The following DHX36 variants were observed in gnomAD, a reference collection of about 807,000 sequenced individuals.
The protein encoded by DHX36 is DEAH-box helicase 36.
DHX36 carries 50 observed loss-of-function variants against 139.0 expected under a neutral mutation model. The observed-to-expected ratio is 0.36, with a 90% CI of 0.29 to 0.46. The LOEUF is 0.46. DHX36 is among the 20% of genes least tolerant of loss of function. The probability of loss-of-function intolerance (pLI) is 1.00; values close to 1 mark genes in which losing one functional copy is unlikely to be tolerated. For missense variants in DHX36, 1,024 were observed against 1,211.3 expected (o/e 0.85, Z 2.29); for synonymous variants, 425 against 401.9 (o/e 1.06, Z -0.69).
chr3:154,303,836 C>A (rs1247865058), intron 8 of DHX36, among the ~76,000 whole-genome samples: 1 of 152,148 alleles, frequency 6.6e-6, no homozygotes, highest in African/African-American at 2.4e-5. Flanking sequence ...GTAATCAAAA[C>A]AAAACCTAAA....
At chr3:154,300,850 A>G (rs1268043307) in intron 10 of DHX36, 137 bp downstream of exon 10, 1 of 1,350,268 alleles carries the variant, frequency 7.4e-7, no homozygotes, top group African/African-American at 1.5e-5. Flanking sequence ...AAGTCAAATC[A>G]GCACAATATT....
chr3:154,303,424 C>A lies in DHX36; in HGVS notation c.1136-14G>T. The A allele has an allele frequency of 6.4e-7, 1 of 1,564,060 alleles. No homozygotes were observed. Among genetic ancestry groups the A allele is most frequent in the Non-Finnish European group, 8.7e-7 (1 of 1,150,166 alleles). On this transcript the variant is annotated splice_polypyrimidine_tract_variant and intron_variant, in intron 8 of 24. Transcript: ENST00000496811. ...TTGGACAGTTACCTATTACGGCAGA[C>A]AAAATATAAGCATAAATTTGTACTC...
intron 1 of DHX36, among the ~76,000 whole-genome samples, chr3:154,317,361 GTTTT>G (rs1713026630): frequency 6.6e-6 from 1 of 152,004 alleles, no homozygotes; most frequent in Non-Finnish European, 1.5e-5. Flanking sequence ...GAGAGGTTTT[GTTTT>G]TAGAGTTATG....
At chr3:154,290,131 T>C (rs1035162454) in intron 15 of DHX36, among the ~76,000 whole-genome samples, 1 of 152,208 alleles carries the variant, frequency 6.6e-6, no homozygotes, top group Non-Finnish European at 1.5e-5. Context: ...AACAGCAGTC[T>C]ACCTAGGTTA....
chr3:154,304,357 G>A (rs1157975796), intron 8 of DHX36, among the ~76,000 whole-genome samples: 1 of 152,044 alleles, frequency 6.6e-6, no homozygotes, highest in Non-Finnish European at 1.5e-5. Flanking sequence ...GTAAAAATGT[G>A]AATGATAATA....
In DHX36 at chr3:154,277,722, T is replaced by C. The variant is rs756211508; in HGVS notation, c.2568-4A>G. 33 of 1,588,374 alleles carry C rather than the reference T, an allele frequency of 2.1e-5. No homozygotes were observed. Among genetic ancestry groups the C allele is most frequent in the Non-Finnish European group, 2.8e-5 (33 of 1,166,396 alleles). On this transcript the variant is annotated splice_region_variant and splice_polypyrimidine_tract_variant and intron_variant, in intron 22 of 24. Coordinates refer to ENST00000496811, the MANE Select transcript of DHX36 (RefSeq NM_020865.3). ...GGTTTTTGTGTAAACTTTTACCCTT[T>C]AAAAAAAGTTAAAATGCAGTTTGTT...
rs1343257638 is a variant in DHX36, at chr3:154,272,636, T to C, written c.*3535A>G. On this transcript the variant is annotated 3_prime_UTR_variant, in exon 25 of 25. Transcript: ENST00000496811. ...GTTTATATATATCAAAATGGAACAATGGTAACATGATTTACTTTGCTACAT... is the reference window on the plus strand; with the variant it reads ...GTTTATATATATCAAAATGGAACAACGGTAACATGATTTACTTTGCTACAT... 2.0e-5 allele frequency: 3 copies of C among 151,628 alleles called. No homozygotes were observed. Among genetic ancestry groups the C allele is most frequent in the Admixed American group, 6.6e-5 (1 of 15,196 alleles). 9.4% of individuals were successfully genotyped at this position (151,628 alleles called of 1,614,324 possible). A position where few individuals can be genotyped will look rare whatever the true frequency, so the allele number is the denominator to read the frequency against.
At chr3:154,313,751 G>A (rs545529810) in intron 3 of DHX36, among the ~76,000 whole-genome samples, 9 of 152,144 alleles carry the variant, frequency 5.9e-5, no homozygotes, top group Admixed American at 3.3e-4. Flanking sequence ...GAAAATTAAT[G>A]TTTATTAAAG....
intron 2 of DHX36, 136 bp from the exon 3 acceptor site, chr3:154,315,416 G>A (rs1454997144): frequency 3.6e-6 from 2 of 549,056 alleles, no homozygotes; most frequent in East Asian, 6.2e-5. Context: ...TCTTAGTACA[G>A]TAATTATGAA....
chr3:154,308,798 T>C (rs1362630135), intron 5 of DHX36, among the ~76,000 whole-genome samples: 2 of 152,156 alleles, frequency 1.3e-5, no homozygotes, highest in Admixed American at 6.5e-5. Flanking sequence ...AACTGTTACT[T>C]AAGTATGCCT....
At chr3:154,319,693 G>A (rs1325485213) in intron 1 of DHX36, among the ~76,000 whole-genome samples, 3 of 151,964 alleles carry the variant, frequency 2.0e-5, no homozygotes, top group African/African-American at 7.3e-5. Context: ...CGATATTCTG[G>A]TTTGCTTCTT....
intron 12 of DHX36, among the ~76,000 whole-genome samples, chr3:154,296,257 G>A (rs564398646): frequency 2.0e-4 from 30 of 152,112 alleles, no homozygotes; most frequent in Admixed American, 1.1e-3. Context: ...GGCGGATCAC[G>A]AGGTCAGGAG....
chr3:154,305,176 T>C lies in DHX36; in HGVS notation c.894-8A>G, dbSNP rs764668095. Reference sequence around the variant, plus strand: ...TGTTTCCTTGGCAACCGACTGTGAATGAAAGACATGAATTAATAAGCCTTG... The same window carrying C: ...TGTTTCCTTGGCAACCGACTGTGAACGAAAGACATGAATTAATAAGCCTTG... On this transcript the variant is annotated splice_polypyrimidine_tract_variant and splice_region_variant and intron_variant, in intron 6 of 24. Transcript: ENST00000496811. 35 of 1,608,242 alleles carry C rather than the reference T, an allele frequency of 2.2e-5. No homozygotes were observed. The highest frequency in any genetic ancestry group is 2.2e-5 in the East Asian group (1 of 44,774).
At position 154,309,580 on chromosome 3, in the gene DHX36, C is replaced by T. The variant is rs971663163; in HGVS notation, c.813+73G>A. ...AAGCCTAATTAAGAATCACTCCACACCTTCAGAATCAGTAGGTTCTAGCAA... is the reference window on the plus strand; with the variant it reads ...AAGCCTAATTAAGAATCACTCCACATCTTCAGAATCAGTAGGTTCTAGCAA... On this transcript the variant is annotated intron_variant, in intron 5 of 24. Transcript: ENST00000496811. 57 of 1,332,644 alleles carry T rather than the reference C, an allele frequency of 4.3e-5. No homozygotes were observed. The African/African-American group carries it at 8.0e-4, about 19-fold the overall frequency. 82.6% of individuals were successfully genotyped at this position (1,332,644 alleles called of 1,614,324 possible).
intron 5 of DHX36, among the ~76,000 whole-genome samples, 197 bp from the exon 6 acceptor site, chr3:154,306,492 A>G (rs747105893): frequency 4.6e-5 from 7 of 152,170 alleles, no homozygotes; most frequent in Non-Finnish European, 8.8e-5. Context: ...TTCCTCTTAT[A>G]AAGTCTTTTA....
intron 17 of DHX36, among the ~76,000 whole-genome samples, chr3:154,286,178 A>AAAC (rs1553757090): frequency 1.6e-5 from 2 of 127,538 alleles, no homozygotes; most frequent in Non-Finnish European, 3.4e-5. Context: ...AAAAAAAAAA[A>AAAC]AAAAAAAAAA....
At chr3:154,311,704 A>T (rs1712768837) in intron 3 of DHX36, 30 bp from the exon 4 acceptor site, 1 of 1,560,318 alleles carries the variant, frequency 6.4e-7, no homozygotes, top group African/African-American at 1.4e-5. Context: ...TTAAATTTTC[A>T]CAGAAGATAT....
intron 1 of DHX36, among the ~76,000 whole-genome samples, chr3:154,322,018 T>G (rs562150262): frequency 4.7e-4 from 71 of 151,572 alleles, no homozygotes; most frequent in African/African-American, 1.5e-3. Flanking sequence ...AACAATGATA[T>G]CAAGCTAAAG....
chr3:154,295,285 T>A lies in DHX36; in HGVS notation c.1604A>T (p.Gln535Leu). Residue 535 changes from glutamine to leucine, a missense_variant and splice_region_variant, in exon 13 of 25, where the codon CAG becomes CTG. Physicochemically the swap from Gln to Leu is moderately radical, Grantham distance 113. Coordinates refer to ENST00000496811, the MANE Select transcript of DHX36 (RefSeq NM_020865.3). Reference protein sequence around the residue: ...HSLMPTVNQTQVFKRTPPGVR... With the variant: ...HSLMPTVNQTLVFKRTPPGVR... Reference sequence around the variant, plus strand: ...AACAAATGTATCCATTTAACATACCTGTGTCTGGTTAACTGTAGGCATCAG... The same window carrying A: ...AACAAATGTATCCATTTAACATACCAGTGTCTGGTTAACTGTAGGCATCAG... 1 of 1,541,782 alleles carries A rather than the reference T, an allele frequency of 6.5e-7. No individual in the cohort carries two copies. The highest frequency in any genetic ancestry group is 8.8e-7 in the Non-Finnish European group (1 of 1,133,050).
Sources: allele counts gnomAD v4.1 joint callset (sites outside exome capture counted in the v4.1 genomes callset), GRCh38; gene constraint gnomAD v4.1.1; transcripts MANE v1.5; gene names NCBI Gene and HGNC (gene_info 2026-07-23, HGNC 2026-07-21).